Variants in CD6 observed in about 807,000 individuals in gnomAD.
CD6 encodes CD6 molecule.
A neutral mutation model predicts 75.3 loss-of-function variants in CD6; 53 were observed. The ratio of observed to expected loss-of-function variants is 0.70; its 90% confidence interval spans 0.56 to 0.88. The LOEUF (loss-of-function observed/expected upper bound fraction) is 0.88. Ranked by LOEUF, CD6 falls within the 40% of genes least tolerant of loss-of-function variation. The pLI, the probability that CD6 is intolerant of heterozygous loss-of-function variation, is 0.00. For synonymous variants in CD6, 359 were observed against 381.5 expected, an observed-to-expected ratio of 0.94 and a Z score of 0.69; for missense variants, 770 against 897.1, an observed-to-expected ratio of 0.86 and a Z score of 1.81.
chr11:61,014,437 C>CA (rs947192273), intron 8 of CD6, among the ~76,000 whole-genome samples: 15 of 152,132 alleles, frequency 9.9e-5, no homozygotes, highest in Non-Finnish European at 1.8e-4. Context: ...ATTTTCTAAA[C>CA]AAAAAAACAA....
chr11:60,973,486 CA>C (rs1857265720), intron 1 of CD6, among the ~76,000 whole-genome samples: 1 of 152,210 alleles, frequency 6.6e-6, no homozygotes. Flanking sequence ...GTTATCAATG[CA>C]AGCTCAGTTT....
chr11:60,981,623 C>G (rs1381473733), intron 1 of CD6, among the ~76,000 whole-genome samples: 2 of 152,216 alleles, frequency 1.3e-5, no homozygotes, highest in Non-Finnish European at 2.9e-5. Flanking sequence ...AAATGCCAGG[C>G]TCCTTAGGGT....
chr11:60,995,548 T>G (rs943069026), intron 1 of CD6, among the ~76,000 whole-genome samples: 11 of 152,094 alleles, frequency 7.2e-5, no homozygotes, highest in Admixed American at 2.6e-4. Context: ...AAAAAGAAAA[T>G]AGTTAGGACA....
At position 61,009,361 on chromosome 11, in the gene CD6, G is replaced by A. The variant is rs151031569; in HGVS notation, c.782-211G>A. Among the ~76,000 whole-genome samples, 290 of 152,346 alleles carry A rather than the reference G, an allele frequency of 1.9e-3. 3 individuals carry two copies. In the South Asian group the frequency reaches 0.028, roughly 14 times the overall value. ...TTCTAACAAGATCCCAGGCAATGCC[G>A]ATGCTGCTGCTCCACAGACCACACT... On this transcript the variant is annotated intron_variant, in intron 4 of 12. Coordinates refer to ENST00000313421, the MANE Select transcript of CD6 (RefSeq NM_006725.5).
At chr11:60,973,884 C>T (rs1171156320) in intron 1 of CD6, among the ~76,000 whole-genome samples, 4 of 152,172 alleles carry the variant, frequency 2.6e-5, no homozygotes, top group Non-Finnish European at 5.9e-5. Context: ...AGGAAGACTG[C>T]ACCTTCAAGC....
At chr11:61,016,189 G>A (rs976291072) in intron 9 of CD6, among the ~76,000 whole-genome samples, 6 of 152,146 alleles carry the variant, frequency 3.9e-5, no homozygotes, top group East Asian at 1.9e-4. Context: ...AGGGGTTCTC[G>A]CATGCCATAT....
chr11:61,007,506 G>A lies in CD6; in HGVS notation c.119-54G>A. On this transcript the variant is annotated intron_variant, in intron 2 of 12. Transcript: ENST00000313421. This position sits in a 1 kb window ranked among gnomAD's most constrained non-coding sequence, Gnocchi z 4.2. ...GCACAGAGTCAGTGGCAGAGCCTGGGCAACCCTCTGCCCAGGCCCCACCGG... is the reference window on the plus strand; with the variant it reads ...GCACAGAGTCAGTGGCAGAGCCTGGACAACCCTCTGCCCAGGCCCCACCGG... The A allele has an allele frequency of 2.3e-6, 3 of 1,309,478 alleles. No homozygotes were observed. The highest frequency in any genetic ancestry group is 2.0e-6 in the Non-Finnish European group (2 of 1,003,050). The allele number at this position is 1,309,478 out of a possible 1,614,324, so 81.1% of individuals were successfully genotyped here.
At chr11:60,990,757 G>A (rs1858025877) in intron 1 of CD6, among the ~76,000 whole-genome samples, 1 of 58,286 alleles carries the variant, frequency 1.7e-5, no homozygotes, top group Non-Finnish European at 5.1e-5. Flanking sequence ...ATACACAATG[G>A]ATGGTATTGA....
intron 1 of CD6, among the ~76,000 whole-genome samples, chr11:60,986,943 C>T (rs1422958585): frequency 6.6e-6 from 1 of 152,114 alleles, no homozygotes; most frequent in East Asian, 1.9e-4. Flanking sequence ...GCCTGGCCAA[C>T]GTGGTGAAAC....
At chr11:60,972,457 G>A (rs936371240) in intron 1 of CD6, among the ~76,000 whole-genome samples, 2 of 152,206 alleles carry the variant, frequency 1.3e-5, no homozygotes, top group South Asian at 2.1e-4. Flanking sequence ...GCATAAGCGA[G>A]CATGAAGGCC....
At position 60,996,542 on chromosome 11, in the gene CD6, C is replaced by T. The variant is rs559582068; in HGVS notation, c.50-10032C>T. Among the ~76,000 whole-genome samples the T allele has an allele frequency of 6.6e-5, 10 of 152,354 alleles. No homozygotes were observed. The East Asian group carries it at 1.4e-3, about 21-fold the overall frequency. On this transcript the variant is annotated intron_variant, in intron 1 of 12. Transcript: ENST00000313421. ...ATACCTGGAGTCTGAGCCAGGGCCT[C>T]GGGAGGCGGGCCCACCAGGGTTCAC...
At chr11:60,999,139 C>T (rs1034114969) in intron 1 of CD6, among the ~76,000 whole-genome samples, 1 of 151,460 alleles carries the variant, frequency 6.6e-6, no homozygotes, top group African/African-American at 2.4e-5. Context: ...GCCTGGGTGA[C>T]AGAGCAAGAT....
chr11:61,019,399 C>A lies in CD6; in HGVS notation c.*81C>A. The A allele has an allele frequency of 2.7e-6, 3 of 1,112,830 alleles. No homozygotes were observed. The highest frequency in any genetic ancestry group is 3.9e-6 in the Non-Finnish European group (3 of 771,028). The allele number at this position is 1,112,830 out of a possible 1,614,324, so 68.9% of individuals were successfully genotyped here. A position where few individuals can be genotyped will look rare whatever the true frequency, so the allele number is the denominator to read the frequency against. On this transcript the variant is annotated 3_prime_UTR_variant, in exon 13 of 13. Coordinates refer to ENST00000313421, the MANE Select transcript of CD6 (RefSeq NM_006725.5). Reference sequence around the variant, plus strand: ...CCTACTCCCTTTCCCCTTTCCCACCCTCCCAGCTCACCTCCCCATGGAGCT... The same window carrying A: ...CCTACTCCCTTTCCCCTTTCCCACCATCCCAGCTCACCTCCCCATGGAGCT...
chr11:61,013,786 G>A, intron 7 of CD6, 133 bp from the exon 8 acceptor site: 1 of 733,080 alleles, frequency 1.4e-6, no homozygotes, highest in South Asian at 1.8e-5. Flanking sequence ...GTGTGTGTTT[G>A]TGCGCGCGCA....
At chr11:61,008,887 T>G (rs1265577815) in intron 4 of CD6, 42 bp downstream of exon 4, 2 of 1,463,618 alleles carry the variant, frequency 1.4e-6, no homozygotes, top group African/African-American at 2.8e-5. Context: ...CTACCAACAC[T>G]CACCATAGGC....
At chr11:60,997,938 T>A in intron 1 of CD6, among the ~76,000 whole-genome samples, 1 of 152,264 alleles carries the variant, frequency 6.6e-6, no homozygotes, top group South Asian at 2.1e-4. Context: ...TCCCTCCGAG[T>A]GGGGCTGAGT....
intron 1 of CD6, among the ~76,000 whole-genome samples, chr11:60,994,689 C>G (rs893973327): frequency 1.3e-5 from 2 of 152,164 alleles, no homozygotes; most frequent in Non-Finnish European, 2.9e-5. Flanking sequence ...AAAATGAAAG[C>G]ACATGAGCCA....
chr11:60,998,722 C>T (rs183970234), intron 1 of CD6, among the ~76,000 whole-genome samples: 23 of 152,210 alleles, frequency 1.5e-4, no homozygotes, highest in Non-Finnish European at 2.6e-4. Context: ...AGTATGAAAG[C>T]TCACTGTATT....
intron 1 of CD6, among the ~76,000 whole-genome samples, chr11:60,997,734 A>G (rs1286175745): frequency 2.6e-5 from 4 of 152,232 alleles, no homozygotes; most frequent in Admixed American, 6.5e-5. Flanking sequence ...TGGCCATTTG[A>G]AAAGGTTTTC....
Sources: allele counts gnomAD v4.1 joint callset (sites outside exome capture counted in the v4.1 genomes callset), GRCh38; gene constraint gnomAD v4.1.1; non-coding constraint Gnocchi (gnomAD v3.1); transcripts MANE v1.5; gene names NCBI Gene and HGNC (gene_info 2026-07-23, HGNC 2026-07-21).